RSRP1: variants seen among roughly 807,000 people sequenced by gnomAD.
RSRP1 encodes the protein arginine and serine rich protein 1, also known as arginine/serine-rich protein 1.
Under a neutral mutation model 33.0 loss-of-function variants are expected in RSRP1, and 37 were observed. The ratio of observed to expected loss-of-function variants is 1.12; its 90% confidence interval spans 0.86 to 1.48. RSRP1 has a LOEUF of 1.48. RSRP1 is among the 40% of genes most tolerant of loss of function. The pLI is 0.00. For missense variants in RSRP1, 402 were observed against 385.3 expected (o/e 1.04, Z -0.36); for synonymous variants, 167 against 158.7 (o/e 1.05, Z -0.40).
At position 25,246,608 on chromosome 1, in the gene RSRP1, G is replaced by A. The variant is rs779557837; in HGVS notation, c.356C>T (p.Ser119Leu). 3.7e-6 allele frequency: 6 copies of A among 1,613,996 alleles called. No homozygotes were observed. Among genetic ancestry groups the A allele is most frequent in the East Asian group, 4.5e-5 (2 of 44,902 alleles). The stretch of plus-strand genomic sequence containing the variant: ...GCAGTACGACCTTCCCCGAGAGCGC[G>A]ACCTGCTACGGGACCGGGACCGGTA... ...SRYRSRSRSR[S>L]RSRGRSYCGR... The change falls in exon 2 of 5, where the codon TCG (serine) becomes TTG (leucine). Residue 119 changes from serine to leucine, a missense_variant. Transcript: ENST00000243189.
rs1271757711 is a variant in RSRP1 at position 25,315,500 on chromosome 1, T to G, written c.-67+22478A>C. Among the ~76,000 whole-genome samples, 2 of 121,732 alleles carry G rather than the reference T, an allele frequency of 1.6e-5. 1 individual carries two copies. The highest frequency in any genetic ancestry group is 6.1e-5 in the African/African-American group (2 of 32,878). 79.9% of individuals were successfully genotyped at this position (121,732 alleles called of 152,430 possible). ...TTAATTTATTTTTCTTTTCTTTCTT[T>G]CTTTTTTTTTTTTTGAGATGGAGTC... On this transcript the variant is annotated intron_variant, in intron 1 of 1. Transcript: ENST00000561867.
intron 1 of RSRP1, chr1:25,322,014 A>T: frequency 1.1e-6 from 1 of 928,390 alleles, no homozygotes; most frequent in Non-Finnish European, 1.7e-6. Context: ...TGAACTTAAA[A>T]ACATACCTGA....
Position 25,269,367 on chromosome 1 carries a change from GA to G in RSRP1, c.-66-22339del, listed in dbSNP as rs1001191742. Among the ~76,000 whole-genome samples, 6 of 133,042 alleles carry G rather than the reference GA, an allele frequency of 4.5e-5. 2 individuals are homozygous for G. Among genetic ancestry groups the G allele is most frequent in the African/African-American group, 1.5e-4 (6 of 38,932 alleles). 87.3% of individuals were successfully genotyped at this position (133,042 alleles called of 152,430 possible). On this transcript the variant is annotated intron_variant, in intron 1 of 1. Coordinates refer to the RSRP1 transcript ENST00000561867. ...GTTGCTTTCGCGCCATCATAAAGTT[GA>G]AAAGCGTTAAGTCAAACCATCGTAC...
intron 1 of RSRP1, among the ~76,000 whole-genome samples, chr1:25,305,043 C>T (rs28410423): frequency 0.024 from 3,158 of 132,286 alleles, 565 homozygotes; most frequent in African/African-American, 0.076. Context: ...GTTTAGTGAG[C>T]GAAATGGATA....
intron 1 of RSRP1, chr1:25,335,892 T>C (rs1645069267): frequency 1.8e-5 from 1 of 56,490 alleles, no homozygotes; most frequent in Non-Finnish European, 4.4e-5. Flanking sequence ...CCTCCCAGGT[T>C]CAAACAATCC....
At position 25,245,227 on chromosome 1, in the gene RSRP1, CT is replaced by C; in HGVS notation, c.594del (p.Ala199LeufsTer16). 1 of 1,614,062 alleles carries C rather than the reference CT, an allele frequency of 6.2e-7. No homozygotes were observed. The highest frequency in any genetic ancestry group is 1.7e-5 in the Admixed American group (1 of 59,992). On this transcript the variant is annotated frameshift_variant, in exon 3 of 5. Transcript: ENST00000243189. LOFTEE classifies it high-confidence loss of function. ...KALGTTNIDL[P>X]ASLRTVPSAK... ...GCTGAAGGAACAGTTCTGAGACTAG[CT>C]GGCAAGTCAATGTTGGTTGTTCCTA...
chr1:25,260,684 G>A (rs1240593305), intron 1 of RSRP1, among the ~76,000 whole-genome samples: 2 of 152,178 alleles, frequency 1.3e-5, no homozygotes. Context: ...GAAGTTCAAG[G>A]TGCCGGCAAG....
chr1:25,304,874 A>G (rs1248886987), intron 1 of RSRP1: 1 of 132,156 alleles, frequency 7.6e-6, no homozygotes, highest in African/African-American at 2.6e-5. Context: ...AGTTATCATC[A>G]GTCTCAGCGC....
intron 1 of RSRP1, among the ~76,000 whole-genome samples, chr1:25,283,129 A>G (rs2124616420): frequency 7.6e-6 from 1 of 132,446 alleles, no homozygotes; most frequent in South Asian, 2.3e-4. Flanking sequence ...TGGCAACCTA[A>G]TGAAGGAGTA....
Position 25,271,413 on chromosome 1 carries a change from A to T in RSRP1, c.-66-24384T>A, listed in dbSNP as rs547481694. Among the ~76,000 whole-genome samples, 5 of 131,516 alleles carry T rather than the reference A, an allele frequency of 3.8e-5. 2 individuals are homozygous for T. Among genetic ancestry groups the T allele is most frequent in the Non-Finnish European group, 7.2e-5 (4 of 55,762 alleles). 86.3% of individuals were successfully genotyped at this position (131,516 alleles called of 152,430 possible). A position where few individuals can be genotyped will look rare whatever the true frequency, so the allele number is the denominator to read the frequency against. ...AACTGTAATGGTCAATAAAGTATCC[A>T]CTTTCCACCTCCCTGCAGCTCCTGG... On this transcript the variant is annotated intron_variant, in intron 1 of 1. Coordinates refer to the RSRP1 transcript ENST00000561867.
At chr1:25,247,106 A>G in intron 1 of RSRP1, 77 bp from the exon 2 acceptor site, 1 of 915,198 alleles carries the variant, frequency 1.1e-6, no homozygotes, top group Non-Finnish European at 1.5e-6. Context: ...CAGTCGGGGA[A>G]CCTCCGGGAG....
In RSRP1 at chr1:25,305,745, C is replaced by T. The variant is rs191493067; in HGVS notation, c.-67+32233G>A. ...CCTCCTGAGTAGCTGGGTCTACAGG[C>T]GCCCACCACCACGCCCAGCTAATTT... On this transcript the variant is annotated intron_variant, in intron 1 of 1. Coordinates refer to the RSRP1 transcript ENST00000561867. Among the ~76,000 whole-genome samples the T allele has an allele frequency of 1.5e-5, 2 of 129,616 alleles. 1 individual carries two copies. Among genetic ancestry groups the T allele is most frequent in the Non-Finnish European group, 3.6e-5 (2 of 55,158 alleles). The allele number at this position is 129,616 out of a possible 152,430, so 85.0% of individuals were successfully genotyped here.
chr1:25,338,229 C>T (rs1413247624), upstream of RSRP1: 5 of 152,224 alleles, frequency 3.3e-5, no homozygotes, highest in African/African-American at 1.2e-4. Flanking sequence ...AACCCAGCGC[C>T]CGGGCATGCG....
chr1:25,281,979 TG>T (rs1641522519), intron 1 of RSRP1, among the ~76,000 whole-genome samples: 1 of 132,714 alleles, frequency 7.5e-6, no homozygotes, highest in East Asian at 1.9e-4. Context: ...AGCTTCTCAT[TG>T]TTATCAAGGC....
At chr1:25,332,041 ATTTTTTTTTT>A (rs1270998323) in intron 1 of RSRP1, among the ~76,000 whole-genome samples, 1 of 94,804 alleles carries the variant, frequency 1.1e-5, no homozygotes. Flanking sequence ...CGCCCAGCAG[ATTTTTTTTTT>A]TTTTTTTGAG....
Position 25,268,245 on chromosome 1 carries a change from G to T in RSRP1, c.-66-21216C>A, listed in dbSNP as rs575221793. On this transcript the variant is annotated intron_variant, in intron 1 of 1. Transcript: ENST00000561867. The stretch of plus-strand genomic sequence containing the variant: ...ATAATGAACAAATACACGGCCGGGC[G>T]CAGTGGCTCACGCCTGTAATCCCAG... 3.0e-5 allele frequency among the ~76,000 whole-genome samples: 4 copies of T among 132,216 alleles called. 1 individual carries two copies. The highest frequency in any genetic ancestry group is 7.7e-5 in the African/African-American group (3 of 38,770). 86.7% of individuals were successfully genotyped at this position (132,216 alleles called of 152,430 possible).
chr1:25,257,131 G>A (rs769012275), intron 1 of RSRP1, among the ~76,000 whole-genome samples: 7 of 152,156 alleles, frequency 4.6e-5, no homozygotes, highest in Non-Finnish European at 1.0e-4. Context: ...CTTCAGTATT[G>A]CCTTCCAAAA....
intron 1 of RSRP1, among the ~76,000 whole-genome samples, chr1:25,252,532 C>CTT (rs535973265): frequency 5.9e-5 from 8 of 135,824 alleles, no homozygotes; most frequent in East Asian, 2.1e-4. Context: ...GGACCCTGAC[C>CTT]TTTTTTTTTT....
intron 1 of RSRP1, chr1:25,290,754 T>C (rs758987273): frequency 1.5e-6 from 2 of 1,377,442 alleles, no homozygotes; most frequent in South Asian, 2.4e-5. Flanking sequence ...GTGACAGCTT[T>C]AGGCAACCTG....
Sources: gnomAD v4.1 joint callset for allele counts (sites outside exome capture counted in the v4.1 genomes callset) on GRCh38, gnomAD v4.1.1 for gene constraint, MANE v1.5 for transcripts, NCBI Gene and HGNC (gene_info 2026-07-23, HGNC 2026-07-21) for gene names.